CSMD2: variants seen among roughly 807,000 people sequenced by gnomAD.
The protein encoded by CSMD2 is CUB and sushi domain-containing protein 2.
A neutral mutation model predicts 398.5 loss-of-function variants in CSMD2; 130 were observed. The ratio of observed to expected loss-of-function variants is 0.33; its 90% confidence interval spans 0.28 to 0.38. The LOEUF is 0.38. Ranked by LOEUF, CSMD2 falls within the 10% of genes least tolerant of loss-of-function variation. The pLI is 1.00. For synonymous variants in CSMD2, 1,828 were observed against 1,908.5 expected, an observed-to-expected ratio of 0.96 and a Z score of 1.10; for missense variants, 3,829 against 4,764.9, an observed-to-expected ratio of 0.80 and a Z score of 5.78.
Position 34,163,046 on chromosome 1 carries a change from G to T in CSMD2, c.187+1865C>A, listed in dbSNP as rs911210390. Among the ~76,000 whole-genome samples the T allele has an allele frequency of 6.6e-6, 1 of 152,218 alleles. No homozygotes were observed. Among genetic ancestry groups the T allele is most frequent in the African/African-American group, 2.4e-5 (1 of 41,470 alleles). On this transcript the variant is annotated intron_variant, in intron 1 of 70. Coordinates refer to ENST00000373381, the MANE Select transcript of CSMD2 (RefSeq NM_001281956.2). This position sits in a 1 kb window ranked among gnomAD's most constrained non-coding sequence, Gnocchi z 5.4. ...TATAGGGCAGGATTCCAGCACCGCT[G>T]AGCGGTGCAAGCGCCGGTGAGTCGG...
chr1:33,767,041 G>C (rs868492604), intron 13 of CSMD2, among the ~76,000 whole-genome samples: 1 of 152,188 alleles, frequency 6.6e-6, no homozygotes, highest in African/African-American at 2.4e-5. Context: ...AGAAGAAAAA[G>C]CCATAGGCTG....
chr1:34,090,362 G>A (rs1266733152), intron 1 of CSMD2, among the ~76,000 whole-genome samples: 4 of 152,054 alleles, frequency 2.6e-5, no homozygotes, highest in East Asian at 1.9e-4. Flanking sequence ...CTCTTTCTCT[G>A]CCTCCTTTCA....
At chr1:33,544,102 C>CTTTTTTTTT (rs57678063) in intron 57 of CSMD2, among the ~76,000 whole-genome samples, 3 of 89,364 alleles carry the variant, frequency 3.4e-5, no homozygotes, top group African/African-American at 9.3e-5. Flanking sequence ...CCATATTTGT[C>CTTTTTTTTT]TTTTTTTTTT....
chr1:33,589,304 C>T (rs1260578630), intron 44 of CSMD2, among the ~76,000 whole-genome samples: 1 of 152,102 alleles, frequency 6.6e-6, no homozygotes, highest in African/African-American at 2.4e-5. Context: ...CTTCTTTCAC[C>T]CAGTTCATGT....
intron 44 of CSMD2, among the ~76,000 whole-genome samples, chr1:33,598,077 T>C (rs576150212): frequency 3.3e-5 from 5 of 152,236 alleles, no homozygotes; most frequent in African/African-American, 9.6e-5. Flanking sequence ...AGAAAAGCAA[T>C]GAATATTAAC....
intron 3 of CSMD2, among the ~76,000 whole-genome samples, chr1:33,954,577 G>A (rs1645106712): frequency 6.6e-6 from 1 of 152,150 alleles, no homozygotes; most frequent in Admixed American, 6.5e-5. Context: ...ATGGGTGAAT[G>A]GCTAAACAAA....
chr1:34,022,768 G>A (rs902466183), intron 3 of CSMD2, among the ~76,000 whole-genome samples: 3 of 152,192 alleles, frequency 2.0e-5, no homozygotes. Context: ...TTGATGGCCA[G>A]GTAAGGAGTC....
intron 65 of CSMD2, 148 bp from the exon 66 acceptor site, chr1:33,525,191 C>T: frequency 1.3e-6 from 1 of 794,454 alleles, no homozygotes; most frequent in Non-Finnish European, 2.0e-6. Context: ...ATGCTCTGGC[C>T]TCTTCTCGTC....
At chr1:34,161,124 A>T (rs1410466432) in intron 1 of CSMD2, among the ~76,000 whole-genome samples, 2 of 152,226 alleles carry the variant, frequency 1.3e-5, no homozygotes, top group African/African-American at 4.8e-5. Flanking sequence ...GATAATCCAA[A>T]GGTTTCTGGG....
intron 6 of CSMD2, among the ~76,000 whole-genome samples, chr1:33,836,302 C>T (rs1246945568): frequency 5.9e-5 from 9 of 152,182 alleles, no homozygotes; most frequent in South Asian, 2.1e-4. Flanking sequence ...TTAGGCTACT[C>T]GGGGGTCAGG....
rs1657305696 is a variant in CSMD2 at position 33,550,169 on chromosome 1, C to A, written c.8917+8G>T. ...CTGGAGCTCTTTCCTCAATGCCATGCACCATACCTGAGCAGTGAGGGAGGG... is the reference window on the plus strand; with the variant it reads ...CTGGAGCTCTTTCCTCAATGCCATGAACCATACCTGAGCAGTGAGGGAGGG... On this transcript the variant is annotated splice_region_variant and intron_variant, in intron 56 of 70. Transcript: ENST00000373381. 1 of 1,612,232 alleles carries A rather than the reference C, an allele frequency of 6.2e-7. No homozygotes were observed. Among genetic ancestry groups the A allele is most frequent in the African/African-American group, 1.3e-5 (1 of 74,904 alleles).
At chr1:33,671,069 C>T (rs550752433) in intron 25 of CSMD2, among the ~76,000 whole-genome samples, 1 of 152,284 alleles carries the variant, frequency 6.6e-6, no homozygotes, top group East Asian at 1.9e-4. Flanking sequence ...CTGGCCCACC[C>T]AGGAAATGAC....
intron 5 of CSMD2, among the ~76,000 whole-genome samples, chr1:33,885,633 C>A (rs1641541449): frequency 6.6e-6 from 1 of 152,046 alleles, no homozygotes; most frequent in African/African-American, 2.4e-5. Context: ...TGTGGTCAGC[C>A]CTGGAGCACT....
At chr1:33,554,367 T>A (rs1030049779) in intron 55 of CSMD2, among the ~76,000 whole-genome samples, 16 of 151,938 alleles carry the variant, frequency 1.1e-4, no homozygotes, top group Admixed American at 5.9e-4. Flanking sequence ...CTAATTTTTT[T>A]GTATTTTAGT....
chr1:34,017,770 T>G lies in CSMD2; in HGVS notation c.517+14824A>C, dbSNP rs556114176. Among the ~76,000 whole-genome samples the G allele has an allele frequency of 3.3e-5, 5 of 152,122 alleles. No homozygotes were observed. In the South Asian group the frequency reaches 1.0e-3, roughly 31 times the overall value. ...TCTCCGTAAAACAAAACAAAACACC[T>G]TGCTACTGATCAATGCTTTATTACA... On this transcript the variant is annotated intron_variant, in intron 3 of 70. Transcript: ENST00000373381.
intron 52 of CSMD2, among the ~76,000 whole-genome samples, 180 bp from the exon 53 acceptor site, chr1:33,568,021 A>C (rs1414980649): frequency 6.6e-6 from 1 of 151,978 alleles, no homozygotes; most frequent in African/African-American, 2.4e-5. Context: ...CTCACTTCTG[A>C]GCTTCAGTTT....
intron 1 of CSMD2, among the ~76,000 whole-genome samples, chr1:34,098,519 T>C (rs9425904): frequency 0.39 from 58,872 of 151,754 alleles, 12,207 homozygotes; most frequent in African/African-American, 0.54. Flanking sequence ...CAGTCTCATT[T>C]CACAAGATAC....
At chr1:33,719,858 C>A (rs1274885321) in intron 19 of CSMD2, among the ~76,000 whole-genome samples, 1 of 152,148 alleles carries the variant, frequency 6.6e-6, no homozygotes, top group African/African-American at 2.4e-5. Context: ...GGCTGGCACA[C>A]AGTAGGGGTG....
At chr1:33,906,307 T>A (rs1470058563) in intron 5 of CSMD2, among the ~76,000 whole-genome samples, 1 of 152,260 alleles carries the variant, frequency 6.6e-6, no homozygotes, top group African/African-American at 2.4e-5. Context: ...TGAATTTTAA[T>A]CTGTAGACAA....
Sources: allele counts gnomAD v4.1 joint callset (sites outside exome capture counted in the v4.1 genomes callset), GRCh38; gene constraint gnomAD v4.1.1; non-coding constraint Gnocchi (gnomAD v3.1); transcripts MANE v1.5; gene names NCBI Gene and HGNC (gene_info 2026-07-23, HGNC 2026-07-21).